NT5C3A: variants seen among roughly 807,000 people sequenced by gnomAD.
NT5C3A encodes the protein cytosolic 5'-nucleotidase 3A.
Under a neutral mutation model 40.0 loss-of-function variants are expected in NT5C3A, and 23 were observed. That is an observed-to-expected ratio of 0.58 (90% CI 0.41 to 0.81). The LOEUF (loss-of-function observed/expected upper bound fraction) is 0.81, where lower values mean the gene tolerates loss of function less well. Ranked by LOEUF, NT5C3A falls within the 40% of genes least tolerant of loss-of-function variation. NT5C3A has a pLI of 0.00. For synonymous variants in NT5C3A, 130 were observed against 141.4 expected (o/e 0.92, Z 0.57); for missense variants, 328 against 403.0 (o/e 0.81, Z 1.59).
chr7:33,055,553 G>A (rs1787537458), intron 1 of NT5C3A, among the ~76,000 whole-genome samples: 1 of 152,130 alleles, frequency 6.6e-6, no homozygotes, highest in African/African-American at 2.4e-5. Flanking sequence ...CAGCTTGACT[G>A]AAATAGGTAT....
At chr7:33,032,929 T>C (rs977358144) in intron 1 of NT5C3A, among the ~76,000 whole-genome samples, 1 of 152,088 alleles carries the variant, frequency 6.6e-6, no homozygotes, top group Non-Finnish European at 1.5e-5. Context: ...ATTTTTTTAA[T>C]TTTTGTAGAG....
intron 1 of NT5C3A, among the ~76,000 whole-genome samples, chr7:33,037,037 C>A (rs1786644719): frequency 6.6e-6 from 1 of 152,140 alleles, no homozygotes; most frequent in Non-Finnish European, 1.5e-5. Context: ...GCCTCGATCT[C>A]CTGACCTCGT....
chr7:33,062,284 A>G (rs563673509), intron 1 of NT5C3A, among the ~76,000 whole-genome samples: 1 of 152,272 alleles, frequency 6.6e-6, no homozygotes, highest in South Asian at 2.1e-4. Context: ...CGATTCATCT[A>G]TTTTCTGCCT....
chr7:33,059,683 GC>G (rs957717165), intron 1 of NT5C3A, among the ~76,000 whole-genome samples: 4 of 152,148 alleles, frequency 2.6e-5, no homozygotes, highest in African/African-American at 9.7e-5. Context: ...TAAGTAATTT[GC>G]CCAAGGTCAC....
chr7:33,031,500 T>A (rs1419246703), intron 1 of NT5C3A, among the ~76,000 whole-genome samples: 1 of 151,772 alleles, frequency 6.6e-6, no homozygotes, highest in East Asian at 2.0e-4. Flanking sequence ...GGTGGGAGGA[T>A]TGCCTGAGCC....
At chr7:33,014,120 G>A (rs745898121), downstream of NT5C3A, 1 of 423,974 alleles carries the variant, frequency 2.4e-6, no homozygotes, top group South Asian at 1.7e-5. Context: ...AGATAGTTTT[G>A]ACCATAGAAT....
intron 6 of NT5C3A, among the ~76,000 whole-genome samples, chr7:33,018,943 C>T (rs777165135): frequency 7.9e-5 from 12 of 151,870 alleles, no homozygotes; most frequent in Non-Finnish European, 1.2e-4. Flanking sequence ...CAAAGAAGTT[C>T]GAGAATTTAA....
At chr7:33,017,684 C>G (rs1404736682) in intron 6 of NT5C3A, 83 bp from the exon 7 acceptor site, 8 of 1,061,428 alleles carry the variant, frequency 7.5e-6, no homozygotes, top group Non-Finnish European at 1.2e-5. Context: ...GTGAAATATT[C>G]CTAGTAATTC....
At chr7:33,032,112 G>A (rs928598822) in intron 1 of NT5C3A, among the ~76,000 whole-genome samples, 7 of 150,794 alleles carry the variant, frequency 4.6e-5, no homozygotes, top group East Asian at 2.0e-4. Flanking sequence ...GTGACAGAGC[G>A]AGACTCTGTC....
At chr7:33,036,833 G>T (rs1300871387) in intron 1 of NT5C3A, among the ~76,000 whole-genome samples, 3 of 150,570 alleles carry the variant, frequency 2.0e-5, no homozygotes, top group Non-Finnish European at 4.4e-5. Context: ...TTTTTTTTGA[G>T]ATGCAGTCTT....
chr7:33,025,463 A>C (rs917516744), intron 2 of NT5C3A, among the ~76,000 whole-genome samples: 1 of 152,054 alleles, frequency 6.6e-6, no homozygotes, highest in Non-Finnish European at 1.5e-5. Context: ...AAAAAGGAAT[A>C]ATTTTTTTTT....
chr7:33,037,494 A>G (rs1786673321), intron 1 of NT5C3A, among the ~76,000 whole-genome samples: 1 of 152,234 alleles, frequency 6.6e-6, no homozygotes, highest in African/African-American at 2.4e-5. Flanking sequence ...CTCTAGTAAT[A>G]TAAGTTGGAC....
chr7:33,038,452 A>T (rs1184228025), intron 1 of NT5C3A, among the ~76,000 whole-genome samples: 1 of 152,106 alleles, frequency 6.6e-6, no homozygotes, highest in Non-Finnish European at 1.5e-5. Flanking sequence ...GGTCTCATCA[A>T]ATAAAAACAA....
intron 3 of NT5C3A, chr7:33,023,703 C>T (rs2127997396): frequency 4.5e-6 from 1 of 223,864 alleles, no homozygotes; most frequent in Middle Eastern, 1.8e-3. Context: ...TGGTAAAATT[C>T]CTAGAAAACA....
chr7:33,041,902 A>G (rs4316067), intron 1 of NT5C3A, among the ~76,000 whole-genome samples: 51,590 of 152,038 alleles, frequency 0.34, 9,456 homozygotes, highest in Admixed American at 0.49. Context: ...TATGTAAATA[A>G]ATTTTTATTA....
intron 1 of NT5C3A, among the ~76,000 whole-genome samples, chr7:33,033,096 GA>G (rs1451908857): frequency 1.3e-5 from 2 of 152,128 alleles, no homozygotes; most frequent in Admixed American, 6.6e-5. Context: ...CATTTTTCTG[GA>G]AATAGCCCAC....
At chr7:33,051,101 ATC>A (rs1183025154) in intron 1 of NT5C3A, among the ~76,000 whole-genome samples, 2 of 152,214 alleles carry the variant, frequency 1.3e-5, no homozygotes, top group East Asian at 1.9e-4. Context: ...TTCTTTATAT[ATC>A]TCTCTCTTTA....
rs560596058 is a variant in NT5C3A, at chr7:33,022,427, A to G, written c.308-328T>C. On this transcript the variant is annotated intron_variant, in intron 3 of 8. Transcript: ENST00000610140. ...TCCATTTTCTACTTTGTAATTAAAT[A>G]TAAGAAACACATATGGGAAATACAT... Among the ~76,000 whole-genome samples, 7 of 72,990 alleles carry G rather than the reference A, an allele frequency of 9.6e-5. No individual in the cohort carries two copies. In the South Asian group the frequency reaches 1.4e-3, roughly 14 times the overall value. The allele number at this position is 72,990 out of a possible 152,430, so 47.9% of individuals were successfully genotyped here.
Position 33,021,358 on chromosome 7 carries a change from C to G in NT5C3A, c.355-1G>C. On this transcript the variant is annotated splice_acceptor_variant, in intron 4 of 8. Transcript: ENST00000610140. LOFTEE classifies it high-confidence loss of function. The stretch of plus-strand genomic sequence containing the variant: ...AATATTTTTCCTTTAGTTGCAATAA[C>G]TAGGAAGATATGAATAACTTAATCA... 1.9e-6 allele frequency: 3 copies of G among 1,609,568 alleles called. No homozygotes were observed. Among genetic ancestry groups the G allele is most frequent in the Non-Finnish European group, 2.5e-6 (3 of 1,177,082 alleles).
Sources: allele counts gnomAD v4.1 joint callset (sites outside exome capture counted in the v4.1 genomes callset), GRCh38; gene constraint gnomAD v4.1.1; transcripts MANE v1.5; gene names NCBI Gene and HGNC (gene_info 2026-07-23, HGNC 2026-07-21).